MACF1: variants seen among roughly 807,000 people sequenced by gnomAD.
MACF1 encodes microtubule-actin cross-linking factor 1.
A neutral mutation model predicts 854.8 loss-of-function variants in MACF1; 193 were observed. The observed-to-expected ratio is 0.23, with a 90% CI of 0.20 to 0.25. MACF1 has a LOEUF of 0.25. MACF1 is among the 10% of genes least tolerant of loss of function. The pLI is 1.00. For missense variants in MACF1, 7,722 were observed against 8,929.1 expected, an observed-to-expected ratio of 0.86 and a Z score of 5.45; for synonymous variants, 3,185 against 3,226.7, an observed-to-expected ratio of 0.99 and a Z score of 0.44.
rs776425985 is a variant in MACF1 at position 39,335,548 on chromosome 1, GA to G, written c.8962del (p.Thr2988HisfsTer26). On this transcript the variant is annotated frameshift_variant, in exon 37 of 101. Coordinates refer to ENST00000564288, the MANE Select transcript of MACF1 (RefSeq NM_001394062.1). LOFTEE classifies it high-confidence loss of function. ...KREVIVEESI[R>X]TCKPAFLSEE... ...GAGGTGATTGTAGAAGAAAGTATCA[GA>G]ACATGCAAACCAGCATTTCTTTCTG... 3 of 1,614,152 alleles carry G rather than the reference GA, an allele frequency of 1.9e-6. No individual in the cohort carries two copies. The South Asian group carries it at 3.3e-5, about 18-fold the overall frequency.
Position 39,409,196 on chromosome 1 carries a change from C to A in MACF1, c.15817-13178C>A, listed in dbSNP as rs966412509. Among the ~76,000 whole-genome samples the A allele has an allele frequency of 6.6e-6, 1 of 152,056 alleles. No individual in the cohort carries two copies. The highest frequency in any genetic ancestry group is 1.5e-5 in the Non-Finnish European group (1 of 67,994). ...AGAAGTTTGCATGCCGGGACCGTGA[C>A]AGCTGCGGGCGGGGAGGACGGCGGG... On this transcript the variant is annotated intron_variant, in intron 58 of 100. Transcript: ENST00000564288. The surrounding 1 kb of genome is among the most constrained non-coding windows in gnomAD (Gnocchi z 4.2).
At chr1:39,134,262 G>A (rs933702232) in intron 2 of MACF1, among the ~76,000 whole-genome samples, 3 of 150,950 alleles carry the variant, frequency 2.0e-5, no homozygotes. Context: ...TAGCCAGGAT[G>A]GTTTCGATCT....
At chr1:39,369,093 C>T (rs541148810) in intron 50 of MACF1, among the ~76,000 whole-genome samples, 1 of 151,238 alleles carries the variant, frequency 6.6e-6, no homozygotes, top group South Asian at 2.1e-4. Flanking sequence ...CTGCCTTGGC[C>T]TCCCAAAGTG....
At chr1:39,142,884 C>G (rs1156627106) in intron 2 of MACF1, among the ~76,000 whole-genome samples, 1 of 152,214 alleles carries the variant, frequency 6.6e-6, no homozygotes, top group African/African-American at 2.4e-5. Flanking sequence ...CTAGACACAG[C>G]TTGGGCCTCT....
At chr1:39,237,410 GTTAAGTGC>G (rs1557536358) in intron 2 of MACF1, among the ~76,000 whole-genome samples, 1 of 152,172 alleles carries the variant, frequency 6.6e-6, no homozygotes, top group Non-Finnish European at 1.5e-5. Context: ...TACTTTCTCT[GTTAAGTGC>G]TGCACATAGC....
intron 30 of MACF1, 99 bp downstream of exon 30, chr1:39,318,714 G>A: frequency 1.6e-6 from 2 of 1,246,964 alleles, no homozygotes; most frequent in South Asian, 1.6e-5. Context: ...TCCTCCAAAT[G>A]GAAGATATCC....
At position 39,454,918 on chromosome 1, in the gene MACF1, T is replaced by C. The variant is rs1035981230; in HGVS notation, c.20896T>C (p.Trp6966Arg). 1 of 1,613,638 alleles carries C rather than the reference T, an allele frequency of 6.2e-7. No homozygotes were observed. Among genetic ancestry groups the C allele is most frequent in the Non-Finnish European group, 8.5e-7 (1 of 1,179,800 alleles). Residue 6966 changes from tryptophan to arginine, a missense_variant, in exon 89 of 101, where the codon TGG becomes CGG. Around this residue, in one of 15 missense-constraint regions of MACF1, gnomAD observed 729 missense variants for 900.5 expected, o/e 0.81. Transcript: ENST00000564288. ...CCTTCTTTTTCCACAGGTCCTGACA[T>C]GGGCTAAGCAGCACCAGCAGCGTCT... ...IRARFEEVLT[W>R]AKQHQQRLET...
chr1:39,458,745 G>C (rs1476002906), intron 90 of MACF1: 2 of 518,280 alleles, frequency 3.9e-6, no homozygotes, highest in South Asian at 3.1e-5. Context: ...CCATTGTTTT[G>C]GTTATCAGCC....
chr1:39,302,682 C>T (rs908760913), intron 22 of MACF1, among the ~76,000 whole-genome samples: 3 of 152,202 alleles, frequency 2.0e-5, no homozygotes, highest in Non-Finnish European at 2.9e-5. Context: ...GGTTACTTGA[C>T]ATGTAACAGG....
intron 23 of MACF1, among the ~76,000 whole-genome samples, chr1:39,306,408 G>A (rs1025068300): frequency 1.3e-5 from 2 of 151,966 alleles, no homozygotes; most frequent in African/African-American, 4.8e-5. Flanking sequence ...GATTACAGGC[G>A]TGAGCCACTG....
intron 77 of MACF1, 48 bp from the exon 78 acceptor site, chr1:39,442,666 G>C (rs1212329143): frequency 6.2e-7 from 1 of 1,610,670 alleles, no homozygotes; most frequent in Admixed American, 1.7e-5. Flanking sequence ...AGAGAACCAA[G>C]TTAGATGATA....
intron 2 of MACF1, among the ~76,000 whole-genome samples, chr1:39,173,305 AC>A (rs1643977491): frequency 6.8e-6 from 1 of 146,330 alleles, no homozygotes; most frequent in African/African-American, 2.5e-5. Flanking sequence ...GCACCACTGA[AC>A]TCCAGCCTGG....
chr1:39,273,521 G>A (rs1441567224), intron 6 of MACF1, among the ~76,000 whole-genome samples: 1 of 152,120 alleles, frequency 6.6e-6, no homozygotes, highest in Non-Finnish European at 1.5e-5. Flanking sequence ...AAAGAAGAAA[G>A]CAAAATTAAC....
intron 80 of MACF1, among the ~76,000 whole-genome samples, chr1:39,445,906 G>A (rs1644219782): frequency 6.6e-6 from 1 of 151,950 alleles, no homozygotes; most frequent in Non-Finnish European, 1.5e-5. Flanking sequence ...GCTGCAGTGA[G>A]CAGTGATGGT....
intron 15 of MACF1, among the ~76,000 whole-genome samples, chr1:39,290,627 C>T: frequency 7.5e-6 from 1 of 132,744 alleles, no homozygotes; most frequent in Admixed American, 7.7e-5. Context: ...CTCTCATTGA[C>T]AGAGGAGTTT....
intron 70 of MACF1, chr1:39,436,556 G>A: frequency 1.4e-6 from 2 of 1,447,742 alleles, no homozygotes; most frequent in South Asian, 2.3e-5. Context: ...GTCATTACCT[G>A]TAAGGGAATT....
chr1:39,301,354 C>G (rs1431380879), intron 22 of MACF1, among the ~76,000 whole-genome samples: 4 of 151,898 alleles, frequency 2.6e-5, no homozygotes, highest in Non-Finnish European at 5.9e-5. Context: ...TCTCGATCTC[C>G]TGACCTCTTG....
At position 39,422,548 on chromosome 1, in the gene MACF1, G is replaced by C. The variant is rs1261639648; in HGVS notation, c.15978+13G>C. On this transcript the variant is annotated intron_variant, in intron 59 of 100. Coordinates refer to ENST00000564288, the MANE Select transcript of MACF1 (RefSeq NM_001394062.1). The stretch of plus-strand genomic sequence containing the variant: ...ATTGAATAAAAAGGTGAGTGACAAT[G>C]GGGTAGCAAGTGTACTGGAAACGGA... The C allele has an allele frequency of 6.3e-7, 1 of 1,599,688 alleles. No homozygotes were observed. The highest frequency in any genetic ancestry group is 1.1e-5 in the South Asian group (1 of 89,504).
At chr1:39,458,936 C>T in intron 90 of MACF1, 150 bp from the exon 91 acceptor site, 1 of 687,982 alleles carries the variant, frequency 1.5e-6, no homozygotes, top group South Asian at 2.0e-5. Context: ...AATTAGTACA[C>T]CTCCGTATCT....
Sources: gnomAD v4.1 joint callset for allele counts (sites outside exome capture counted in the v4.1 genomes callset) on GRCh38, gnomAD v4.1.1 for gene constraint, gnomAD v4.1.1 regional missense constraint, Gnocchi (gnomAD v3.1) non-coding constraint, MANE v1.5 for transcripts, NCBI Gene and HGNC (gene_info 2026-07-23, HGNC 2026-07-21) for gene names.